The following FBN2 variants were observed in gnomAD, a reference collection of about 807,000 sequenced individuals.
FBN2 encodes fibrillin 2.
In FBN2, 105 loss-of-function variants were observed where a neutral mutation model predicts 355.6. The observed-to-expected ratio is 0.30, with a 90% CI of 0.25 to 0.35. The LOEUF (loss-of-function observed/expected upper bound fraction) is 0.35, where lower values mean the gene tolerates loss of function less well. FBN2 is among the 10% of genes least tolerant of loss of function. The pLI, the probability that FBN2 is intolerant of heterozygous loss-of-function variation, is 1.00. For synonymous variants in FBN2, 1,350 were observed against 1,301.2 expected (o/e 1.04, Z -0.81); for missense variants, 3,280 against 3,758.7 (o/e 0.87, Z 3.33).
chr5:128,379,246 GC>G (rs900192318), intron 11 of FBN2, among the ~76,000 whole-genome samples: 4 of 152,064 alleles, frequency 2.6e-5, no homozygotes, highest in Non-Finnish European at 5.9e-5. Flanking sequence ...CCTCTCTAAG[GC>G]TTAGTAAAGT....
chr5:128,513,711 T>C (rs996636253), intron 5 of FBN2, among the ~76,000 whole-genome samples: 4 of 152,360 alleles, frequency 2.6e-5, no homozygotes, highest in African/African-American at 9.6e-5. Context: ...TTCTCCCTGA[T>C]TTAAGTCCTT....
At chr5:128,475,181 C>G (rs193027668) in intron 5 of FBN2, among the ~76,000 whole-genome samples, 82 of 152,210 alleles carry the variant, frequency 5.4e-4, no homozygotes, top group African/African-American at 1.9e-3. Flanking sequence ...GCAAAGACAT[C>G]CCCCGGTCTC....
chr5:128,290,328 G>T (rs1265846127), intron 50 of FBN2, among the ~76,000 whole-genome samples: 1 of 152,146 alleles, frequency 6.6e-6, no homozygotes, highest in Non-Finnish European at 1.5e-5. Flanking sequence ...CCTGTAAAGG[G>T]CCATTGTGCT....
rs1752084023 is a variant in FBN2 at position 128,376,629 on chromosome 5, T to C, written c.1972+102A>G. On this transcript the variant is annotated intron_variant, in intron 14 of 64. Transcript: ENST00000262464. The stretch of plus-strand genomic sequence containing the variant: ...GAATTAGCAAGAAATGTGAATAATA[T>C]GAAAGCCACATGGGGAAGCTGAAGT... 6 of 1,374,098 alleles carry C rather than the reference T, an allele frequency of 4.4e-6. No individual in the cohort carries two copies. In the South Asian group the frequency reaches 4.7e-5, roughly 11 times the overall value. 85.1% of individuals were successfully genotyped at this position (1,374,098 alleles called of 1,614,324 possible).
At chr5:128,335,341 A>G in intron 29 of FBN2, 46 bp from the exon 30 acceptor site, 1 of 1,613,760 alleles carries the variant, frequency 6.2e-7, no homozygotes, top group East Asian at 2.2e-5. Flanking sequence ...AATGTCGTTC[A>G]TCAATCTCAA....
In FBN2 at chr5:128,269,280, ATAG is replaced by A. The variant is rs1409073673; in HGVS notation, c.7960+2716_7960+2718del. On this transcript the variant is annotated intron_variant, in intron 62 of 64. Coordinates refer to ENST00000262464, the MANE Select transcript of FBN2 (RefSeq NM_001999.4). ...AAATACAATAATAATAATAATAATAATAGTAATAATAATAATAATAATAATAAA... is the reference window on the plus strand; with the variant it reads ...AAATACAATAATAATAATAATAATAATAATAATAATAATAATAATAATAAA... Among the ~76,000 whole-genome samples the A allele has an allele frequency of 2.8e-5, 4 of 141,764 alleles. No individual in the cohort carries two copies. In the East Asian group the frequency reaches 8.4e-4, roughly 30 times the overall value. The allele number at this position is 141,764 out of a possible 152,430, so 93.0% of individuals were successfully genotyped here.
Position 128,537,732 on chromosome 5 carries a change from G to GGGCTCC in FBN2, c.-135_-130dup. On this transcript the variant is annotated 5_prime_UTR_variant, in exon 1 of 65. Coordinates refer to ENST00000262464, the MANE Select transcript of FBN2 (RefSeq NM_001999.4). ...CGGCTCCGGGGACTCCCTCGGGCTC[G>GGGCTCC]GGCTCCCTGCTCTAGCTGGAGACCT... is the stretch of plus-strand genomic sequence containing the variant. 1.1e-6 allele frequency: 1 copy of GGGCTCC among 917,714 alleles called. No homozygotes were observed. The highest frequency in any genetic ancestry group is 1.5e-5 in the South Asian group (1 of 68,254). The allele number at this position is 917,714 out of a possible 1,614,324, so 56.8% of individuals were successfully genotyped here.
intron 25 of FBN2, among the ~76,000 whole-genome samples, chr5:128,343,026 C>T (rs906901917): frequency 1.3e-5 from 2 of 151,980 alleles, no homozygotes; most frequent in African/African-American, 2.4e-5. Flanking sequence ...CCATGCCCAG[C>T]GGGATAAAGG....
At chr5:128,503,595 C>A (rs1755873540) in intron 5 of FBN2, among the ~76,000 whole-genome samples, 1 of 152,154 alleles carries the variant, frequency 6.6e-6, no homozygotes, top group Admixed American at 6.5e-5. Flanking sequence ...ATACTGGCAG[C>A]ATTTTGCCCC....
At chr5:128,337,900 A>T (rs1750888578) in intron 27 of FBN2, 97 bp downstream of exon 27, 2 of 1,352,090 alleles carry the variant, frequency 1.5e-6, no homozygotes, top group African/African-American at 1.4e-5. Flanking sequence ...AATAAGCTAG[A>T]TTTCATGTGC....
chr5:128,261,683 C>A, intron 64 of FBN2, 53 bp downstream of exon 64: 1 of 1,561,624 alleles, frequency 6.4e-7, no homozygotes, highest in African/African-American at 1.4e-5. Context: ...GCACTGTATA[C>A]ATGACTCCGT....
rs762139261 is a variant in FBN2, at chr5:128,333,032, C to T, written c.4102G>A (p.Val1368Met). ...VKKGTTGCTDVDECEIGAHNC... is the reference protein window; with the variant it reads ...VKKGTTGCTDMDECEIGAHNC... ...TGAGCACCAATTTCACACTCATCCA[C>T]ATCTGATAAACCATAATTCATAAGA... Residue 1368 changes from valine to methionine, a missense_variant and splice_region_variant, in exon 32 of 65, where the codon GTG becomes ATG. Val to Met is a conservative substitution (Grantham distance 21). This residue lies in a region of FBN2 where 2,284 missense variants were observed against 2,749.5 expected (regional missense o/e 0.83). Coordinates refer to ENST00000262464, the MANE Select transcript of FBN2 (RefSeq NM_001999.4). The T allele has an allele frequency of 3.7e-5, 60 of 1,610,680 alleles. No individual in the cohort carries two copies. Among genetic ancestry groups the T allele is most frequent in the Non-Finnish European group, 5.0e-5 (59 of 1,177,028 alleles).
intron 55 of FBN2, 37 bp downstream of exon 55, chr5:128,286,681 G>A: frequency 6.2e-7 from 1 of 1,612,766 alleles, no homozygotes; most frequent in South Asian, 1.1e-5. Context: ...TGGGAGTGGA[G>A]GCATTACATA....
chr5:128,477,575 T>C (rs1755039444), intron 5 of FBN2, among the ~76,000 whole-genome samples: 2 of 152,170 alleles, frequency 1.3e-5, no homozygotes, highest in African/African-American at 4.8e-5. Flanking sequence ...GCGTAGTACT[T>C]TATAGCCATC....
chr5:128,279,425 G>A, intron 56 of FBN2, among the ~76,000 whole-genome samples: 1 of 152,184 alleles, frequency 6.6e-6, no homozygotes, highest in South Asian at 2.1e-4. Context: ...CACTTTATAT[G>A]TAGGTTACTT....
chr5:128,423,575 G>A (rs1753409927), intron 7 of FBN2, among the ~76,000 whole-genome samples: 1 of 152,134 alleles, frequency 6.6e-6, no homozygotes, highest in African/African-American at 2.4e-5. Context: ...GATTTGGGTG[G>A]GGACACAGCC....
In FBN2 at chr5:128,322,898, C is replaced by T. The variant is rs138596564; in HGVS notation, c.4472-3897G>A. Among the ~76,000 whole-genome samples, 641 of 152,224 alleles carry T rather than the reference C, an allele frequency of 4.2e-3. 4 individuals carry two copies. The highest frequency in any genetic ancestry group is 0.015 in the African/African-American group (604 of 41,514). ...TTTCATGATACTGATTTTTCCTATC[C>T]ATGAGCATGGAATGTTTTTCCATTT... On this transcript the variant is annotated intron_variant, in intron 34 of 64. Coordinates refer to ENST00000262464, the MANE Select transcript of FBN2 (RefSeq NM_001999.4).
intron 2 of FBN2, among the ~76,000 whole-genome samples, chr5:128,531,061 T>C (rs1756687791): frequency 1.3e-5 from 2 of 152,284 alleles, no homozygotes; most frequent in East Asian, 1.9e-4. Context: ...TGTACATGCA[T>C]GTTAATAGCA....
intron 5 of FBN2, among the ~76,000 whole-genome samples, chr5:128,516,967 C>T (rs1756297228): frequency 6.6e-6 from 1 of 152,114 alleles, no homozygotes; most frequent in Non-Finnish European, 1.5e-5. Context: ...AGAAATGAAG[C>T]TTTAGAACTT....
Sources: gnomAD v4.1 joint callset for allele counts (sites outside exome capture counted in the v4.1 genomes callset) on GRCh38, gnomAD v4.1.1 for gene constraint, gnomAD v4.1.1 regional missense constraint, MANE v1.5 for transcripts, NCBI Gene and HGNC (gene_info 2026-07-23, HGNC 2026-07-21) for gene names.